PPIG: variants seen among roughly 807,000 people sequenced by gnomAD.
The protein encoded by PPIG is peptidyl-prolyl cis-trans isomerase G.
Under a neutral mutation model 87.9 loss-of-function variants are expected in PPIG, and 26 were observed. The ratio of observed to expected loss-of-function variants is 0.30; its 90% CI spans 0.22 to 0.41. PPIG has a LOEUF of 0.41. Among genes scored for constraint, PPIG ranks in the 10% least tolerant of loss-of-function variants. PPIG has a pLI of 1.00. For synonymous variants in PPIG, 308 were observed against 276.5 expected (o/e 1.11, Z -1.13); for missense variants, 722 against 879.4 (o/e 0.82, Z 2.26).
chr2:169,636,747 G>A lies in PPIG; in HGVS notation c.1489G>A (p.Val497Ile), dbSNP rs371498857. ...GAGTAAAGGAAGGGATCATGAAAAT[G>A]TTAAAGAAAAAGAAAAGCAGTCTGA... ...SRSKGRDHEN[V>I]KEKEKQSDSK... Residue 497 changes from valine (V) to isoleucine (I), a missense_variant, in exon 14 of 14, where the codon GTT becomes ATT. Coordinates refer to ENST00000260970, the MANE Select transcript of PPIG (RefSeq NM_004792.3). 3 of 1,612,104 alleles carry A rather than the reference G, an allele frequency of 1.9e-6. No individual in the cohort carries two copies. In the African/African-American group the frequency reaches 4.0e-5, roughly 22 times the overall value.
At chr2:169,610,593 CT>C (rs972850366) in intron 7 of PPIG, among the ~76,000 whole-genome samples, 96 of 147,548 alleles carry the variant, frequency 6.5e-4, no homozygotes, top group African/African-American at 1.4e-3. Flanking sequence ...TTCCCATTTC[CT>C]TTTTTTTTTC....
At chr2:169,632,034 C>A in intron 11 of PPIG, 101 bp downstream of exon 11, 2 of 1,289,968 alleles carry the variant, frequency 1.6e-6, no homozygotes, top group Non-Finnish European at 1.0e-6. Flanking sequence ...GACCTTGTCC[C>A]AAGATTGAAA....
chr2:169,613,455 T>C (rs1685541881), intron 7 of PPIG, among the ~76,000 whole-genome samples: 1 of 152,212 alleles, frequency 6.6e-6, no homozygotes, highest in Admixed American at 6.5e-5. Context: ...AAAATGCTAA[T>C]CTTTAATTTT....
Position 169,636,989 on chromosome 2 carries a change from A to C in PPIG, c.1731A>C (p.Ser577=). 6.2e-7 allele frequency: 1 copy of C among 1,613,994 alleles called. No homozygotes were observed. Among genetic ancestry groups the C allele is most frequent in the Non-Finnish European group, 8.5e-7 (1 of 1,179,970 alleles). The change falls in exon 14 of 14, where the codon TCA becomes TCC. Residue 577 remains serine, a synonymous_variant. Coordinates refer to ENST00000260970, the MANE Select transcript of PPIG (RefSeq NM_004792.3). The stretch of plus-strand genomic sequence containing the variant: ...GGGACAGAAGCAGAAGAGTGCGATC[A>C]AGAACCCATGACAGAGATCGCAGCA... ...RSRDRSRRVR[S]RTHDRDRSRS...
intron 9 of PPIG, among the ~76,000 whole-genome samples, chr2:169,627,611 C>A (rs1013000536): frequency 6.6e-6 from 1 of 151,556 alleles, no homozygotes; most frequent in Non-Finnish European, 1.5e-5. Flanking sequence ...ACTGCAGCCT[C>A]GACCTCCCAG....
At chr2:169,628,106 T>A (rs538820801) in intron 9 of PPIG, among the ~76,000 whole-genome samples, 3 of 152,154 alleles carry the variant, frequency 2.0e-5, no homozygotes, top group Non-Finnish European at 4.4e-5. Context: ...AGGTTAACAG[T>A]TGGGCTCGTG....
Position 169,630,796 on chromosome 2 carries a change from G to A in PPIG, c.570G>A (p.Arg190=). The change falls in exon 10 of 14, where the codon AGG becomes AGA. Residue 190 remains arginine, a synonymous_variant. Transcript: ENST00000260970. The part of the protein sequence containing the change: ...KSKVKKEEKK[R]HKSSSSSSSS... ...AAGTTAAGAAAGAAGAAAAGAAAAG[G>A]CATAAATCATCATCATCTTCCTCCT... 1 of 1,605,104 alleles carries A rather than the reference G, an allele frequency of 6.2e-7. No homozygotes were observed. The highest frequency in any genetic ancestry group is 8.5e-7 in the Non-Finnish European group (1 of 1,177,718).
At chr2:169,607,390 G>C (rs551803717) in intron 6 of PPIG, among the ~76,000 whole-genome samples, 2 of 151,978 alleles carry the variant, frequency 1.3e-5, no homozygotes, top group Non-Finnish European at 2.9e-5. Context: ...TTAATTCTTA[G>C]AATTTTAATG....
chr2:169,588,958 C>CAAA (rs549776875), intron 1 of PPIG, among the ~76,000 whole-genome samples: 37 of 68,362 alleles, frequency 5.4e-4, no homozygotes, highest in African/African-American at 9.3e-4. Context: ...AACTCCCTCT[C>CAAA]AAAAAAAAAA....
chr2:169,630,658 C>A, intron 9 of PPIG, 116 bp from the exon 10 acceptor site: 2 of 846,986 alleles, frequency 2.4e-6, no homozygotes, highest in South Asian at 1.6e-5. Context: ...GTTCACATAG[C>A]TGGATGATCT....
intron 12 of PPIG, among the ~76,000 whole-genome samples, chr2:169,635,162 C>CT (rs1223600068): frequency 3.9e-5 from 6 of 152,014 alleles, no homozygotes; most frequent in Admixed American, 1.3e-4. Context: ...ACTGTCTGAT[C>CT]TTTTTTTTAA....
intron 9 of PPIG, among the ~76,000 whole-genome samples, chr2:169,627,704 CTTT>C (rs777197172): frequency 8.8e-5 from 9 of 101,904 alleles, no homozygotes; most frequent in Admixed American, 2.0e-4. Flanking sequence ...AGTGGGCTTG[CTTT>C]TTTTTTTTTT....
chr2:169,633,836 C>CCT (rs1558902506), intron 12 of PPIG, among the ~76,000 whole-genome samples: 2 of 26,064 alleles, frequency 7.7e-5, no homozygotes, highest in African/African-American at 2.5e-4. Flanking sequence ...CCACCCCCCC[C>CCT]TTTTTTTTTT....
intron 1 of PPIG, among the ~76,000 whole-genome samples, chr2:169,591,198 A>G (rs1420513204): frequency 6.6e-6 from 1 of 152,140 alleles, no homozygotes; most frequent in Non-Finnish European, 1.5e-5. Context: ...CCTGTTTTTC[A>G]TTTAGTCATG....
At chr2:169,600,333 C>G (rs371026700) in intron 1 of PPIG, among the ~76,000 whole-genome samples, 84 of 152,262 alleles carry the variant, frequency 5.5e-4, no homozygotes, top group African/African-American at 1.9e-3. Context: ...CTTCAGCCCC[C>G]CAAAGGGCCG....
Position 169,630,889 on chromosome 2 carries a change from T to C in PPIG, c.663T>C (p.Ser221=). The stretch of plus-strand genomic sequence containing the variant: ...CTTCTGATTCCTCTGATTCCGAAAG[T>C]GCTACTGAAGAGAAATCAAAGAAAA... ...QSSSDSSDSE[S]ATEEKSKKRK... The change falls in exon 10 of 14, where the codon AGT becomes AGC. Residue 221 remains serine, a synonymous_variant. Transcript: ENST00000260970. The C allele has an allele frequency of 6.2e-7, 1 of 1,611,870 alleles. No individual in the cohort carries two copies. The highest frequency in any genetic ancestry group is 8.5e-7 in the Non-Finnish European group (1 of 1,179,330).
At chr2:169,587,629 C>T (rs2105467747) in intron 1 of PPIG, among the ~76,000 whole-genome samples, 1 of 152,246 alleles carries the variant, frequency 6.6e-6, no homozygotes. Context: ...AAATGGTCAC[C>T]ATAAGAACTC....
intron 9 of PPIG, among the ~76,000 whole-genome samples, chr2:169,625,427 C>T (rs757147813): frequency 6.6e-6 from 1 of 152,134 alleles, no homozygotes; most frequent in Admixed American, 6.5e-5. Flanking sequence ...TTGGTAGACA[C>T]TGCTACCAGA....
intron 1 of PPIG, among the ~76,000 whole-genome samples, chr2:169,587,143 C>T (rs969447466): frequency 2.0e-5 from 3 of 151,898 alleles, no homozygotes; most frequent in South Asian, 2.1e-4. Flanking sequence ...ATGTTGGCTA[C>T]GCTGGTCTCA....
Sources: allele counts gnomAD v4.1 joint callset (sites outside exome capture counted in the v4.1 genomes callset), GRCh38; gene constraint gnomAD v4.1.1; transcripts MANE v1.5; gene names NCBI Gene and HGNC (gene_info 2026-07-23, HGNC 2026-07-21).